CDC73: variants seen among roughly 807,000 people sequenced by gnomAD.
CDC73 encodes the protein cell division cycle 73, also known as parafibromin.
A neutral mutation model predicts 83.7 loss-of-function variants in CDC73; 21 were observed. That is an observed-to-expected ratio of 0.25 (90% CI 0.18 to 0.36). The LOEUF is 0.36. Ranked by LOEUF, CDC73 falls within the 10% of genes least tolerant of loss-of-function variation. The probability of loss-of-function intolerance (pLI) is 1.00; values close to 1 mark genes in which losing one functional copy is unlikely to be tolerated. For synonymous variants in CDC73, 224 were observed against 212.9 expected, an observed-to-expected ratio of 1.05 and a Z score of -0.45; for missense variants, 342 against 653.3, an observed-to-expected ratio of 0.52 and a Z score of 5.19.
At position 193,250,756 on chromosome 1, in the gene CDC73, A is replaced by C. The variant is rs137934323; in HGVS notation, c.*44A>C. The C allele has an allele frequency of 2.0e-6, 3 of 1,516,578 alleles. No homozygotes were observed. The highest frequency in any genetic ancestry group is 2.7e-5 in the African/African-American group (2 of 72,938). 93.9% of individuals were successfully genotyped at this position (1,516,578 alleles called of 1,614,324 possible). A position where few individuals can be genotyped will look rare whatever the true frequency, so the allele number is the denominator to read the frequency against. On this transcript the variant is annotated 3_prime_UTR_variant, in exon 17 of 17. Transcript: ENST00000367435. ...TTCTGGAAATTGAGACTCAAGCTTTATGAATTTATCAAGAACTTAAAAATG... is the reference window on the plus strand; with the variant it reads ...TTCTGGAAATTGAGACTCAAGCTTTCTGAATTTATCAAGAACTTAAAAATG...
intron 10 of CDC73, chr1:193,181,200 A>T: frequency 6.2e-7 from 1 of 1,613,866 alleles, no homozygotes; most frequent in Non-Finnish European, 8.5e-7. Context: ...CATTGTAAAT[A>T]CTTCCATTGG....
intron 15 of CDC73, among the ~76,000 whole-genome samples, chr1:193,241,980 G>T (rs1395655513): frequency 6.6e-6 from 1 of 152,098 alleles, no homozygotes; most frequent in Admixed American, 6.6e-5. Context: ...GTGAGCTTCC[G>T]CCAGTTGGTG....
In CDC73 at chr1:193,251,576, A is replaced by T. The variant is rs1678043044; in HGVS notation, c.*864A>T. The T allele has an allele frequency of 4.3e-6, 1 of 231,976 alleles. No homozygotes were observed. The highest frequency in any genetic ancestry group is 8.5e-6 in the Non-Finnish European group (1 of 117,054). The allele number at this position is 231,976 out of a possible 1,614,324, so 14.4% of individuals were successfully genotyped here. On this transcript the variant is annotated 3_prime_UTR_variant, in exon 17 of 17. Coordinates refer to ENST00000367435, the MANE Select transcript of CDC73 (RefSeq NM_024529.5). The stretch of plus-strand genomic sequence containing the variant: ...TATGGTATAGGATTTTGAATCTTCT[A>T]TTTTAGGCTTGTCAGTCTTGGAGTT...
chr1:193,129,447 A>T (rs1675650479), intron 2 of CDC73, among the ~76,000 whole-genome samples: 1 of 151,222 alleles, frequency 6.6e-6, no homozygotes, highest in Non-Finnish European at 1.5e-5. Context: ...TTTATTTCTA[A>T]TGATTATTTT....
At chr1:193,148,646 T>TC (rs1676051197) in intron 8 of CDC73, among the ~76,000 whole-genome samples, 1 of 136,898 alleles carries the variant, frequency 7.3e-6, no homozygotes, top group Non-Finnish European at 1.6e-5. Context: ...ATAATTTTTT[T>TC]TTTTTTTTTT....
At position 193,203,840 on chromosome 1, in the gene CDC73, G is replaced by A. The variant is rs1060500021; in HGVS notation, c.1018G>A (p.Val340Ile). ...RKTQTPAAQP[V>I]PRPVSQARPP... Reference sequence around the variant, plus strand: ...GACTCAGACTCCTGCAGCCCAGCCAGTACCAAGACCAGGTAGAAATATAGA... The same window carrying A: ...GACTCAGACTCCTGCAGCCCAGCCAATACCAAGACCAGGTAGAAATATAGA... Residue 340 changes from valine to isoleucine, a missense_variant, in exon 11 of 17, where the codon GTA (valine) becomes ATA (isoleucine). By Grantham distance (29) the Val-to-Ile change is conservative. Around this residue, in one of 3 missense-constraint regions of CDC73, gnomAD observed 239 missense variants for 420.6 expected, o/e 0.57. Transcript: ENST00000367435. The A allele has an allele frequency of 1.2e-6, 2 of 1,613,638 alleles. No homozygotes were observed.
intron 11 of CDC73, among the ~76,000 whole-genome samples, chr1:193,207,414 G>A (rs1001862625): frequency 6.6e-6 from 1 of 152,076 alleles, no homozygotes; most frequent in South Asian, 2.1e-4. Context: ...TACCAGGCTG[G>A]AATTTCCCAA....
At chr1:193,156,998 G>A (rs749840582) in intron 10 of CDC73, among the ~76,000 whole-genome samples, 17 of 152,174 alleles carry the variant, frequency 1.1e-4, no homozygotes, top group African/African-American at 4.1e-4. Flanking sequence ...TTAAAGGTAC[G>A]TTGTGCAACA....
At chr1:193,125,085 A>T in intron 1 of CDC73, 27 bp from the exon 2 acceptor site, 1 of 1,172,842 alleles carries the variant, frequency 8.5e-7, no homozygotes, top group Admixed American at 1.7e-5. Context: ...ATTGTCAGTA[A>T]AAAAAATCTT....
rs567269218 is a variant in CDC73, at chr1:193,171,730, GCA to G, written c.972+19287_972+19288del. Among the ~76,000 whole-genome samples, 300 of 152,160 alleles carry G rather than the reference GCA, an allele frequency of 2.0e-3. 1 individual carries two copies. Among genetic ancestry groups the G allele is most frequent in the African/African-American group, 6.8e-3 (282 of 41,504 alleles). ...AAATCTCCCTATTTTAAAGTTATCT[GCA>G]AAGTAACTTTGCCATGTAATGTTAA... is the stretch of plus-strand genomic sequence containing the variant. On this transcript the variant is annotated intron_variant, in intron 10 of 16. Transcript: ENST00000367435.
chr1:193,179,545 A>G (rs1676674466), intron 10 of CDC73: 1 of 152,628 alleles, frequency 6.6e-6, no homozygotes, highest in Admixed American at 6.5e-5. Flanking sequence ...TTGGTTCTTA[A>G]CATCAATGAG....
intron 10 of CDC73, among the ~76,000 whole-genome samples, chr1:193,177,032 T>C (rs936783209): frequency 6.6e-6 from 1 of 152,130 alleles, no homozygotes; most frequent in African/African-American, 2.4e-5. Context: ...ATATACTCTC[T>C]TTTCTCTTGT....
intron 15 of CDC73, among the ~76,000 whole-genome samples, chr1:193,239,256 A>T (rs528140908): frequency 6.6e-6 from 1 of 152,262 alleles, no homozygotes; most frequent in South Asian, 2.1e-4. Flanking sequence ...TAATTTGCCT[A>T]AGCCAGAAAC....
intron 9 of CDC73, among the ~76,000 whole-genome samples, chr1:193,151,574 T>C (rs1164743729): frequency 6.6e-6 from 1 of 152,206 alleles, no homozygotes; most frequent in South Asian, 2.1e-4. Flanking sequence ...CAGAAAGGCA[T>C]ATTGGGATTC....
At chr1:193,225,942 C>T (rs1446071326) in intron 13 of CDC73, among the ~76,000 whole-genome samples, 1 of 152,106 alleles carries the variant, frequency 6.6e-6, no homozygotes, top group Non-Finnish European at 1.5e-5. Flanking sequence ...GTTTTTACTG[C>T]ATCTGCTTTT....
intron 1 of CDC73, 194 bp downstream of exon 1, chr1:193,122,525 TTCA>T (rs1213069925): frequency 3.7e-5 from 23 of 620,218 alleles, no homozygotes; most frequent in Admixed American, 6.1e-5. Context: ...TCTAGAGCAG[TTCA>T]TCACTTAAAA....
chr1:193,233,792 T>C (rs1677701903), intron 14 of CDC73, among the ~76,000 whole-genome samples: 1 of 152,198 alleles, frequency 6.6e-6, no homozygotes, highest in Admixed American at 6.5e-5. Flanking sequence ...ATAGCTCTTT[T>C]ATCATGGTTT....
chr1:193,138,954 T>C (rs1675852188), intron 6 of CDC73, among the ~76,000 whole-genome samples: 1 of 151,690 alleles, frequency 6.6e-6, no homozygotes, highest in Non-Finnish European at 1.5e-5. Flanking sequence ...TTTATACTTT[T>C]AGTAGAGATG....
intron 16 of CDC73, 48 bp downstream of exon 16, chr1:193,249,919 T>C: frequency 6.3e-7 from 1 of 1,584,790 alleles, no homozygotes; most frequent in South Asian, 1.1e-5. Context: ...TTGTAATTTT[T>C]CTGTCTCAGT....
Sources: gnomAD v4.1 joint callset for allele counts (sites outside exome capture counted in the v4.1 genomes callset) on GRCh38, gnomAD v4.1.1 for gene constraint, gnomAD v4.1.1 regional missense constraint, MANE v1.5 for transcripts, NCBI Gene and HGNC (gene_info 2026-07-23, HGNC 2026-07-21) for gene names.